Variants in CDH20 observed in about 807,000 individuals in gnomAD.
CDH20 encodes cadherin-20.
In CDH20, 29 loss-of-function variants were observed where a neutral mutation model predicts 74.2. The ratio of observed to expected loss-of-function variants is 0.39; its 90% CI spans 0.29 to 0.53. The LOEUF is 0.53. Ranked by LOEUF, CDH20 falls within the 20% of genes least tolerant of loss-of-function variation. The pLI, the probability that CDH20 is intolerant of heterozygous loss-of-function variation, is 0.69. For missense variants in CDH20, 988 were observed against 1,048.3 expected (o/e 0.94, Z 0.79); for synonymous variants, 469 against 405.4 (o/e 1.16, Z -1.88).
chr18:61,459,800 C>T (rs10401078), intron 1 of CDH20, among the ~76,000 whole-genome samples: 43,376 of 104,738 alleles, frequency 0.41, 7,926 homozygotes, highest in African/African-American at 0.62. Flanking sequence ...TCCCCTCTGC[C>T]TAACCTCAGG....
intron 2 of CDH20, among the ~76,000 whole-genome samples, chr18:61,492,416 TG>T (rs542037411): frequency 6.6e-6 from 1 of 152,154 alleles, no homozygotes; most frequent in South Asian, 2.1e-4. Context: ...TTCTCCACCA[TG>T]GTCTTTTTAA....
At chr18:61,378,359 C>A (rs543372325) in intron 1 of CDH20, among the ~76,000 whole-genome samples, 1 of 152,252 alleles carries the variant, frequency 6.6e-6, no homozygotes, top group African/African-American at 2.4e-5. Flanking sequence ...AAGTTCCAGT[C>A]CAAGTTCAGG....
At chr18:61,381,072 T>C (rs1041324418) in intron 1 of CDH20, among the ~76,000 whole-genome samples, 17 of 152,158 alleles carry the variant, frequency 1.1e-4, no homozygotes, top group African/African-American at 3.4e-4. Context: ...GACAGGGGTG[T>C]TTCTCATATT....
At chr18:61,358,072 C>T (rs1202710684) in intron 1 of CDH20, among the ~76,000 whole-genome samples, 1 of 151,972 alleles carries the variant, frequency 6.6e-6, no homozygotes, top group Non-Finnish European at 1.5e-5. Flanking sequence ...ATAGTCTCAT[C>T]CCACCTCCAA....
chr18:61,526,049 G>A (rs528447195), intron 6 of CDH20, among the ~76,000 whole-genome samples: 36 of 139,782 alleles, frequency 2.6e-4, no homozygotes, highest in African/African-American at 8.4e-4. Flanking sequence ...GGCCTCAAGC[G>A]ATTCTCCCAC....
chr18:61,488,607 T>G (rs1450312613), intron 1 of CDH20, among the ~76,000 whole-genome samples: 1 of 152,236 alleles, frequency 6.6e-6, no homozygotes, highest in Non-Finnish European at 1.5e-5. Context: ...AACCAAACTG[T>G]CTCTTAGTCT....
intron 1 of CDH20, among the ~76,000 whole-genome samples, chr18:61,486,082 A>T (rs890409119): frequency 6.7e-6 from 1 of 148,470 alleles, no homozygotes; most frequent in African/African-American, 2.5e-5. Flanking sequence ...CAAAAAAAAA[A>T]TAAAATAAAT....
intron 1 of CDH20, among the ~76,000 whole-genome samples, chr18:61,371,011 C>A (rs1338788865): frequency 6.6e-6 from 1 of 152,024 alleles, no homozygotes; most frequent in African/African-American, 2.4e-5. Flanking sequence ...TACTGAACAA[C>A]AAAGGAACAT....
intron 5 of CDH20, among the ~76,000 whole-genome samples, chr18:61,506,535 T>A (rs1175784077): frequency 6.6e-6 from 1 of 152,218 alleles, no homozygotes; most frequent in Non-Finnish European, 1.5e-5. Context: ...TTTTCTTTGT[T>A]ATTTAGTCAG....
chr18:61,388,220 T>C (rs998387045), intron 1 of CDH20, among the ~76,000 whole-genome samples: 1 of 152,174 alleles, frequency 6.6e-6, no homozygotes, highest in African/African-American at 2.4e-5. Flanking sequence ...AATATTTTTA[T>C]CTGGCCAAGA....
intron 1 of CDH20, among the ~76,000 whole-genome samples, chr18:61,352,616 A>T (rs556786725): frequency 6.6e-6 from 1 of 152,304 alleles, no homozygotes; most frequent in Admixed American, 6.5e-5. Context: ...ACTGATGATG[A>T]TTCTCCCAAT....
intron 10 of CDH20, among the ~76,000 whole-genome samples, chr18:61,548,690 G>A (rs769709884): frequency 7.2e-5 from 11 of 152,210 alleles, no homozygotes; most frequent in Middle Eastern, 3.2e-3. Flanking sequence ...TGAGCTCAGC[G>A]TCCCAGGCCG....
intron 1 of CDH20, among the ~76,000 whole-genome samples, chr18:61,350,918 C>A (rs1044718447): frequency 6.6e-6 from 1 of 152,138 alleles, no homozygotes; most frequent in Non-Finnish European, 1.5e-5. Context: ...CTCAACCTAA[C>A]AGCAAGGGAG....
chr18:61,407,950 A>C (rs951237770), intron 1 of CDH20, among the ~76,000 whole-genome samples: 1 of 152,256 alleles, frequency 6.6e-6, no homozygotes, highest in Non-Finnish European at 1.5e-5. Context: ...TAATAGTATT[A>C]CATCAATGTT....
At chr18:61,492,627 A>T (rs1486565604) in intron 2 of CDH20, among the ~76,000 whole-genome samples, 1 of 152,066 alleles carries the variant, frequency 6.6e-6, no homozygotes, top group Admixed American at 6.5e-5. Flanking sequence ...GACAGTTCCT[A>T]CAACCTGTCA....
chr18:61,430,835 T>C lies in CDH20; in HGVS notation c.-152-59567T>C, dbSNP rs139856336. On this transcript the variant is annotated intron_variant, in intron 1 of 11. Coordinates refer to ENST00000262717, the MANE Select transcript of CDH20 (RefSeq NM_031891.4). Reference sequence around the variant, plus strand: ...TACTTTCTGGCAGTATAAGACCCTCTGGGTCCATCTTGGGTGTTTCCTGCC... The same window carrying C: ...TACTTTCTGGCAGTATAAGACCCTCCGGGTCCATCTTGGGTGTTTCCTGCC... Among the ~76,000 whole-genome samples the C allele has an allele frequency of 2.9e-3, 438 of 152,286 alleles. 2 individuals carry two copies. The highest frequency in any genetic ancestry group is 9.7e-3 in the African/African-American group (404 of 41,560).
intron 8 of CDH20, among the ~76,000 whole-genome samples, chr18:61,538,596 G>GTTTTTT (rs533711893): frequency 3.3e-4 from 8 of 24,516 alleles, no homozygotes; most frequent in Admixed American, 6.5e-4. Flanking sequence ...TTGTTTGTTT[G>GTTTTTT]TTTTTGTTTT....
chr18:61,487,185 T>C (rs549151303), intron 1 of CDH20, among the ~76,000 whole-genome samples: 1 of 152,334 alleles, frequency 6.6e-6, no homozygotes, highest in South Asian at 2.1e-4. Flanking sequence ...AGCAGATCTA[T>C]ATATACAAAT....
chr18:61,358,098 T>TTGCTTC (rs1910555484), intron 1 of CDH20, among the ~76,000 whole-genome samples: 1 of 151,920 alleles, frequency 6.6e-6, no homozygotes. Context: ...TTCTTTTATT[T>TTGCTTC]TGCTTCTGTT....
Sources: gnomAD v4.1 joint callset for allele counts (sites outside exome capture counted in the v4.1 genomes callset) on GRCh38, gnomAD v4.1.1 for gene constraint, MANE v1.5 for transcripts, NCBI Gene and HGNC (gene_info 2026-07-23, HGNC 2026-07-21) for gene names.